The following ZRANB3 variants were observed in gnomAD, a reference collection of about 807,000 sequenced individuals.
ZRANB3 encodes DNA annealing helicase and endonuclease ZRANB3.
Under a neutral mutation model 133.8 loss-of-function variants are expected in ZRANB3, and 125 were observed. The ratio of observed to expected loss-of-function variants is 0.93; its 90% CI spans 0.81 to 1.08. The LOEUF (loss-of-function observed/expected upper bound fraction) is 1.08, where lower values mean the gene tolerates loss of function less well. Among genes scored for constraint, ZRANB3 ranks in the 50% least tolerant of loss-of-function variants. The pLI is 0.00. For synonymous variants in ZRANB3, 387 were observed against 432.7 expected (o/e 0.89, Z 1.31); for missense variants, 1,229 against 1,275.5 (o/e 0.96, Z 0.56).
chr2:135,472,586 C>T (rs1691319127), intron 2 of ZRANB3, among the ~76,000 whole-genome samples: 2 of 151,000 alleles, frequency 1.3e-5, no homozygotes, highest in African/African-American at 4.9e-5. Flanking sequence ...TGACTTTTTT[C>T]CCCCAGTCTT....
chr2:135,451,445 C>T (rs776394268), intron 2 of ZRANB3, among the ~76,000 whole-genome samples: 4 of 151,970 alleles, frequency 2.6e-5, no homozygotes, highest in Non-Finnish European at 4.4e-5. Flanking sequence ...GCCTGTAATC[C>T]CAGCTACTTG....
chr2:135,511,508 G>A lies in ZRANB3; in HGVS notation c.-7-7012C>T, dbSNP rs1301151101. ...TCTACTACTTCTTCAGACTCCTCCTGAGGCTCAGTGACAAACCCACCAAAG... is the reference window on the plus strand; with the variant it reads ...TCTACTACTTCTTCAGACTCCTCCTAAGGCTCAGTGACAAACCCACCAAAG... On this transcript the variant is annotated intron_variant, in intron 1 of 20. Coordinates refer to ENST00000264159, the MANE Select transcript of ZRANB3 (RefSeq NM_032143.4). 4.1e-6 allele frequency: 4 copies of A among 976,942 alleles called. No homozygotes were observed. In the African/African-American group the frequency reaches 6.4e-5, roughly 16 times the overall value. The allele number at this position is 976,942 out of a possible 1,614,324, so 60.5% of individuals were successfully genotyped here.
chr2:135,204,702 ATATAT>A (rs1332309566), intron 19 of ZRANB3, among the ~76,000 whole-genome samples: 89 of 143,878 alleles, frequency 6.2e-4, no homozygotes, highest in African/African-American at 1.5e-3. Context: ...ATACAATAAT[ATATAT>A]TATATGTTTT....
intron 2 of ZRANB3, among the ~76,000 whole-genome samples, chr2:135,415,615 G>A (rs1469824019): frequency 1.3e-5 from 2 of 152,150 alleles, no homozygotes; most frequent in Non-Finnish European, 2.9e-5. Context: ...TATGAGGTCA[G>A]CATCATCCTG....
At chr2:135,463,939 T>C (rs1055320820) in intron 2 of ZRANB3, among the ~76,000 whole-genome samples, 4 of 152,150 alleles carry the variant, frequency 2.6e-5, no homozygotes, top group African/African-American at 7.2e-5. Flanking sequence ...CCTTCATCTA[T>C]AAAACCATGA....
intron 6 of ZRANB3, among the ~76,000 whole-genome samples, chr2:135,339,667 C>T (rs1274812699): frequency 1.3e-5 from 2 of 152,196 alleles, no homozygotes; most frequent in East Asian, 3.8e-4. Flanking sequence ...TCATGATATA[C>T]TGTTTTGTTA....
intron 20 of ZRANB3, 44 bp downstream of exon 20, chr2:135,202,788 G>C (rs766139527): frequency 6.4e-7 from 1 of 1,559,582 alleles, no homozygotes; most frequent in Non-Finnish European, 8.7e-7. Context: ...TTTTCCATTT[G>C]ACTTCTCAGG....
At chr2:135,297,665 C>T (rs1271550551) in intron 8 of ZRANB3, among the ~76,000 whole-genome samples, 3 of 152,220 alleles carry the variant, frequency 2.0e-5, no homozygotes, top group South Asian at 2.1e-4. Context: ...TCGTCTGCAT[C>T]GCTCACGCTG....
At chr2:135,288,831 C>G (rs1681530298) in intron 8 of ZRANB3, among the ~76,000 whole-genome samples, 1 of 150,268 alleles carries the variant, frequency 6.7e-6, no homozygotes, top group Non-Finnish European at 1.5e-5. Flanking sequence ...AGTCTATCAA[C>G]TTTGTTTATA....
At chr2:135,401,594 G>A (rs1417161806) in intron 2 of ZRANB3, among the ~76,000 whole-genome samples, 2 of 152,188 alleles carry the variant, frequency 1.3e-5, no homozygotes, top group Non-Finnish European at 2.9e-5. Flanking sequence ...AACATAACTA[G>A]GTGGTGATTC....
At chr2:135,449,871 C>T (rs1209849895) in intron 2 of ZRANB3, among the ~76,000 whole-genome samples, 1 of 152,142 alleles carries the variant, frequency 6.6e-6, no homozygotes, top group African/African-American at 2.4e-5. Context: ...AATCCTCCTG[C>T]TGCAGCCTCC....
intron 8 of ZRANB3, among the ~76,000 whole-genome samples, chr2:135,282,834 T>A (rs565315472): frequency 1.3e-5 from 2 of 152,308 alleles, no homozygotes; most frequent in East Asian, 1.9e-4. Flanking sequence ...TCAATCAATC[T>A]ATCAATTTGG....
intron 8 of ZRANB3, among the ~76,000 whole-genome samples, chr2:135,283,846 A>G (rs1681215206): frequency 6.6e-6 from 1 of 151,476 alleles, no homozygotes; most frequent in Non-Finnish European, 1.5e-5. Context: ...GCCAGGCATG[A>G]TGGCTCATGC....
intron 12 of ZRANB3, among the ~76,000 whole-genome samples, chr2:135,256,948 T>C (rs764652786): frequency 7.9e-5 from 12 of 152,204 alleles, no homozygotes; most frequent in Non-Finnish European, 1.5e-4. Context: ...TATAATGCAT[T>C]CACATGCTAA....
At chr2:135,324,487 G>T (rs1683702245) in intron 6 of ZRANB3, among the ~76,000 whole-genome samples, 1 of 152,100 alleles carries the variant, frequency 6.6e-6, no homozygotes, top group Non-Finnish European at 1.5e-5. Flanking sequence ...ATCATTGTTG[G>T]ACATTTGGGT....
rs139707400 is a variant in ZRANB3, at chr2:135,265,533, C to G, written c.1539+1G>C. The stretch of plus-strand genomic sequence containing the variant: ...GAAAAGAGTAAGGCATATAATCTTA[C>G]GTGAGTGAACAAAGCTTCCTTCCTT... On this transcript the variant is annotated splice_donor_variant, in intron 12 of 20. Coordinates refer to ENST00000264159, the MANE Select transcript of ZRANB3 (RefSeq NM_032143.4). LOFTEE classifies it high-confidence loss of function. 2 of 1,611,246 alleles carry G rather than the reference C, an allele frequency of 1.2e-6. No individual in the cohort carries two copies. The highest frequency in any genetic ancestry group is 1.7e-6 in the Non-Finnish European group (2 of 1,178,728).
intron 3 of ZRANB3, among the ~76,000 whole-genome samples, chr2:135,362,839 T>C (rs1011048326): frequency 6.6e-6 from 1 of 152,174 alleles, no homozygotes; most frequent in Non-Finnish European, 1.5e-5. Context: ...TTAGATGTTA[T>C]GCTTTTAATG....
chr2:135,286,558 C>T (rs916678564), intron 8 of ZRANB3, among the ~76,000 whole-genome samples: 2 of 152,144 alleles, frequency 1.3e-5, no homozygotes, highest in African/African-American at 2.4e-5. Flanking sequence ...GGATTACAGG[C>T]GTGAGCCACT....
intron 3 of ZRANB3, among the ~76,000 whole-genome samples, chr2:135,366,877 T>C (rs1375090850): frequency 2.0e-5 from 3 of 151,182 alleles, no homozygotes; most frequent in East Asian, 3.9e-4. Flanking sequence ...AAAAATTAGC[T>C]GGGCAAGGTG....
Sources: allele counts gnomAD v4.1 joint callset (sites outside exome capture counted in the v4.1 genomes callset), GRCh38; gene constraint gnomAD v4.1.1; transcripts MANE v1.5; gene names NCBI Gene and HGNC (gene_info 2026-07-23, HGNC 2026-07-21).